SDK1: variants seen among roughly 807,000 people sequenced by gnomAD.
SDK1 encodes the protein protein sidekick-1.
In SDK1, 157 loss-of-function variants were observed where a neutral mutation model predicts 245.5. The ratio of observed to expected loss-of-function variants is 0.64; its 90% CI spans 0.56 to 0.73. SDK1 has a LOEUF of 0.73. Ranked by LOEUF, SDK1 falls within the 30% of genes least tolerant of loss-of-function variation. The pLI is 0.00. For synonymous variants in SDK1, 1,647 were observed against 1,278.5 expected (o/e 1.29, Z -6.15); for missense variants, 3,583 against 3,002.3 (o/e 1.19, Z -4.52).
chr7:4,113,459 G>T lies in SDK1; in HGVS notation c.3585+20G>T, dbSNP rs1417923794. 6 of 1,612,398 alleles carry T rather than the reference G, an allele frequency of 3.7e-6. No individual in the cohort carries two copies. Among genetic ancestry groups the T allele is most frequent in the Non-Finnish European group, 5.1e-6 (6 of 1,179,618 alleles). ...TGGGTGGTGAGTGGGGGTGAGAAGG[G>T]AGGCTGGAGGCACACGGGTCCTGAG... On this transcript the variant is annotated intron_variant, in intron 24 of 44. Coordinates refer to ENST00000404826, the MANE Select transcript of SDK1 (RefSeq NM_152744.4).
At chr7:4,038,381 AT>A (rs35948306) in intron 17 of SDK1, among the ~76,000 whole-genome samples, 30,270 of 149,446 alleles carry the variant, frequency 0.2, 3,785 homozygotes, top group African/African-American at 0.37. Context: ...AAGACAGGGA[AT>A]TTTTTTTTTT....
chr7:4,161,938 C>A, intron 32 of SDK1, 82 bp downstream of exon 32: 2 of 1,266,082 alleles, frequency 1.6e-6, no homozygotes, highest in South Asian at 1.2e-5. Flanking sequence ...CTGACATGGA[C>A]TGCAAGCTGA....
intron 1 of SDK1, among the ~76,000 whole-genome samples, chr7:3,415,022 TG>T (rs1255847338): frequency 6.6e-6 from 1 of 152,258 alleles, no homozygotes; most frequent in East Asian, 1.9e-4. Context: ...TGCATAACAC[TG>T]CTATGAACAT....
At chr7:4,184,301 C>T (rs895693201) in intron 35 of SDK1, among the ~76,000 whole-genome samples, 15 of 152,194 alleles carry the variant, frequency 9.9e-5, no homozygotes, top group South Asian at 6.2e-4. Flanking sequence ...GTCCAAGCGT[C>T]GGCTCTACTG....
In SDK1 at chr7:3,540,684, A is replaced by G. The variant is rs143335701; in HGVS notation, c.299-78396A>G. 3.2e-3 allele frequency among the ~76,000 whole-genome samples: 486 copies of G among 152,304 alleles called. 1 individual carries two copies. The highest frequency in any genetic ancestry group is 0.011 in the African/African-American group (469 of 41,568). On this transcript the variant is annotated intron_variant, in intron 1 of 44. Coordinates refer to ENST00000404826, the MANE Select transcript of SDK1 (RefSeq NM_152744.4). Reference sequence around the variant, plus strand: ...CAGCTATTTTGGGTCTGACACAAGCATGGTGCAGTCTGTGACACTGGTATC... The same window carrying G: ...CAGCTATTTTGGGTCTGACACAAGCGTGGTGCAGTCTGTGACACTGGTATC...
At chr7:3,359,219 G>A (rs772827695) in intron 1 of SDK1, among the ~76,000 whole-genome samples, 1 of 152,098 alleles carries the variant, frequency 6.6e-6, no homozygotes, top group Non-Finnish European at 1.5e-5. Flanking sequence ...CTGCCAAGTG[G>A]CCCCCTTCCT....
intron 4 of SDK1, among the ~76,000 whole-genome samples, chr7:3,790,709 G>A (rs1781054320): frequency 6.6e-6 from 1 of 152,148 alleles, no homozygotes; most frequent in Non-Finnish European, 1.5e-5. Context: ...GGGAGACTGA[G>A]GCAGGAGAAT....
At chr7:3,726,094 A>G (rs150379928) in intron 4 of SDK1, among the ~76,000 whole-genome samples, 1 of 152,362 alleles carries the variant, frequency 6.6e-6, no homozygotes, top group East Asian at 1.9e-4. Flanking sequence ...ACAGCCTCCC[A>G]GTGAAATAGG....
Position 4,153,116 on chromosome 7 carries a change from C to T in SDK1, c.4625+3653C>T, listed in dbSNP as rs186890125. The stretch of plus-strand genomic sequence containing the variant: ...GCTCAGCTCCTCCTCTGAGCTCTGT[C>T]GTGGGATAGGTGCGGGGGTTCCAAA... On this transcript the variant is annotated intron_variant, in intron 30 of 44. Coordinates refer to ENST00000404826, the MANE Select transcript of SDK1 (RefSeq NM_152744.4). Among the ~76,000 whole-genome samples the T allele has an allele frequency of 4.6e-3, 694 of 152,022 alleles. 2 individuals carry two copies. Among genetic ancestry groups the T allele is most frequent in the Non-Finnish European group, 6.8e-3 (460 of 67,994 alleles).
rs999391417 is a variant in SDK1 at position 3,694,027 on chromosome 7, A to G, written c.713+51922A>G. 2.6e-5 allele frequency among the ~76,000 whole-genome samples: 4 copies of G among 152,232 alleles called. No homozygotes were observed. In the Middle Eastern group the frequency reaches 0.01, roughly 388 times the overall value. On this transcript the variant is annotated intron_variant, in intron 4 of 44. Coordinates refer to ENST00000404826, the MANE Select transcript of SDK1 (RefSeq NM_152744.4). ...CAGACCTTTGTGGCATTTTGTTTGT[A>G]TCTTTCTTGGGAGTATTTGTCATAG...
intron 20 of SDK1, among the ~76,000 whole-genome samples, chr7:4,069,831 G>C (rs769727704): frequency 6.6e-6 from 1 of 152,202 alleles, no homozygotes; most frequent in South Asian, 2.1e-4. Context: ...CCACACAAGG[G>C]GTGTCTTATA....
chr7:3,525,257 G>A (rs961801405), intron 1 of SDK1, among the ~76,000 whole-genome samples: 2 of 152,028 alleles, frequency 1.3e-5, no homozygotes, highest in Non-Finnish European at 2.9e-5. Context: ...TGTACGTGAT[G>A]ATGGGCCTCT....
In SDK1 at chr7:4,153,755, C is replaced by T. The variant is rs544218729; in HGVS notation, c.4625+4292C>T. 9.7e-4 allele frequency among the ~76,000 whole-genome samples: 147 copies of T among 152,326 alleles called. 2 individuals carry two copies. Among genetic ancestry groups the T allele is most frequent in the South Asian group, 7.3e-3 (35 of 4,826 alleles). ...GCAGTAGCTCCGTCATCGTTCACTG[C>T]AGCCTCCAACTCCTGGGCTCAAGAT... is the stretch of plus-strand genomic sequence containing the variant. On this transcript the variant is annotated intron_variant, in intron 30 of 44. Transcript: ENST00000404826.
At chr7:3,984,284 C>T (rs1182435900) in intron 13 of SDK1, among the ~76,000 whole-genome samples, 3 of 152,096 alleles carry the variant, frequency 2.0e-5, no homozygotes, top group Admixed American at 2.0e-4. Flanking sequence ...GAGTAGCCTC[C>T]ATTTAAGTGA....
Position 3,577,899 on chromosome 7 carries a change from G to A in SDK1, c.299-41181G>A, listed in dbSNP as rs192652135. 1.2e-3 allele frequency among the ~76,000 whole-genome samples: 176 copies of A among 152,114 alleles called. 1 individual carries two copies. Among genetic ancestry groups the A allele is most frequent in the Admixed American group, 1.8e-3 (27 of 15,290 alleles). On this transcript the variant is annotated intron_variant, in intron 1 of 44. Transcript: ENST00000404826. ...TACGCCTTAGAGGTGTGCGGTGACT[G>A]CATTGCTGATGTGGTTTAAAGGAAC...
chr7:3,520,673 C>G (rs1782908570), intron 1 of SDK1, among the ~76,000 whole-genome samples: 1 of 152,076 alleles, frequency 6.6e-6, no homozygotes, highest in Non-Finnish European at 1.5e-5. Context: ...TAAATAAAAA[C>G]TGAAACATTA....
intron 11 of SDK1, 66 bp from the exon 12 acceptor site, chr7:3,971,400 C>T (rs1225430210): frequency 2.8e-6 from 3 of 1,066,874 alleles, no homozygotes; most frequent in Admixed American, 1.9e-5. Context: ...AGGGCATTAT[C>T]CCCCCTGAGG....
intron 1 of SDK1, among the ~76,000 whole-genome samples, chr7:3,553,802 C>T (rs1241366755): frequency 6.6e-6 from 1 of 152,148 alleles, no homozygotes; most frequent in East Asian, 1.9e-4. Flanking sequence ...GTTAGGAAAG[C>T]CTAATCCATT....
chr7:3,617,605 G>C (rs1781809086), intron 1 of SDK1, among the ~76,000 whole-genome samples: 1 of 152,178 alleles, frequency 6.6e-6, no homozygotes, highest in South Asian at 2.1e-4. Flanking sequence ...TCAACAACAT[G>C]GCAGTTCATC....
Sources: gnomAD v4.1 joint callset for allele counts (sites outside exome capture counted in the v4.1 genomes callset) on GRCh38, gnomAD v4.1.1 for gene constraint, MANE v1.5 for transcripts, NCBI Gene and HGNC (gene_info 2026-07-23, HGNC 2026-07-21) for gene names.